Variants in GTF2B observed in about 807,000 individuals in gnomAD.
GTF2B encodes transcription initiation factor IIB.
Under a neutral mutation model 34.6 loss-of-function variants are expected in GTF2B, and 20 were observed. The ratio of observed to expected loss-of-function variants is 0.58; its 90% CI spans 0.41 to 0.84. The LOEUF is 0.84. GTF2B is among the 40% of genes least tolerant of loss of function. GTF2B has a pLI of 0.00. For synonymous variants in GTF2B, 142 were observed against 132.4 expected, an observed-to-expected ratio of 1.07 and a Z score of -0.50; for missense variants, 237 against 393.3, an observed-to-expected ratio of 0.60 and a Z score of 3.36.
At chr1:88,887,453 G>C (rs193226705) in intron 1 of GTF2B, 86 bp from the exon 2 acceptor site, 3 of 807,926 alleles carry the variant, frequency 3.7e-6, no homozygotes, top group African/African-American at 3.4e-5. Context: ...GGAAGACAAA[G>C]ATTGTGAACG....
intron 2 of GTF2B, among the ~76,000 whole-genome samples, chr1:88,885,179 C>G (rs1263824136): frequency 6.6e-6 from 1 of 152,202 alleles, no homozygotes; most frequent in Non-Finnish European, 1.5e-5. Context: ...TGGCTTACAC[C>G]TGTAATCCCA....
chr1:88,891,424 A>C, intron 1 of GTF2B, 59 bp downstream of exon 1: 1 of 1,451,754 alleles, frequency 6.9e-7, no homozygotes, highest in Non-Finnish European at 9.6e-7. Context: ...AGGCCGCCTA[A>C]AAGCCGGCGG....
Position 88,853,587 on chromosome 1 carries a change from C to G in GTF2B, c.818-241G>C, listed in dbSNP as rs571693746. The stretch of plus-strand genomic sequence containing the variant: ...TGGGAGGCCGAGGCGGGTGGATCAC[C>G]AGGTCAGGAGATCGAGACCATCCTG... On this transcript the variant is annotated intron_variant, in intron 6 of 6. Coordinates refer to ENST00000370500, the MANE Select transcript of GTF2B (RefSeq NM_001514.6). Among the ~76,000 whole-genome samples, 35 of 151,794 alleles carry G rather than the reference C, an allele frequency of 2.3e-4. No homozygotes were observed. In the East Asian group the frequency reaches 6.8e-3, roughly 30 times the overall value.
At chr1:88,866,130 A>C (rs2100968225) in intron 2 of GTF2B, among the ~76,000 whole-genome samples, 1 of 152,252 alleles carries the variant, frequency 6.6e-6, no homozygotes, top group African/African-American at 2.4e-5. Flanking sequence ...GGGAGGCTTA[A>C]GCAGGAAAAT....
chr1:88,863,325 T>C (rs1055155442), intron 3 of GTF2B, among the ~76,000 whole-genome samples: 23 of 151,910 alleles, frequency 1.5e-4, no homozygotes, highest in Admixed American at 8.5e-4. Context: ...TTAAGTGGTA[T>C]AGAGAGAAAA....
intron 2 of GTF2B, among the ~76,000 whole-genome samples, chr1:88,865,674 G>A (rs1673531102): frequency 6.6e-6 from 1 of 152,146 alleles, no homozygotes. Flanking sequence ...CCAACATGGA[G>A]AAACCCTGTC....
In GTF2B at chr1:88,853,067, CA is replaced by C; in HGVS notation, c.*145del. ...AATATGTTTCACTAGTATATACATA[CA>C]GAATGCCAAGCAATAGTATTCAGCC... On this transcript the variant is annotated 3_prime_UTR_variant, in exon 7 of 7. Transcript: ENST00000370500. 1.4e-6 allele frequency: 1 copy of C among 733,402 alleles called. No individual in the cohort carries two copies. The allele number at this position is 733,402 out of a possible 1,614,324, so 45.4% of individuals were successfully genotyped here. A position where few individuals can be genotyped will look rare whatever the true frequency, so the allele number is the denominator to read the frequency against.
rs541321975 is a variant in GTF2B, at chr1:88,875,837, A to C, written c.124+11424T>G. ...CTATCACTCTCAGTGACCAACCAGC[A>C]CAGTGCTTAACTGAGACATATGGTA... On this transcript the variant is annotated intron_variant, in intron 2 of 6. Transcript: ENST00000370500. Among the ~76,000 whole-genome samples, 11 of 152,282 alleles carry C rather than the reference A, an allele frequency of 7.2e-5. No individual in the cohort carries two copies. In the South Asian group the frequency reaches 2.3e-3, roughly 32 times the overall value.
At chr1:88,872,087 G>A (rs993799882) in intron 2 of GTF2B, among the ~76,000 whole-genome samples, 3 of 152,116 alleles carry the variant, frequency 2.0e-5, no homozygotes, top group African/African-American at 4.8e-5. Context: ...TGAAGAATTA[G>A]GGATAATTTC....
chr1:88,872,140 T>C (rs940004338), intron 2 of GTF2B, among the ~76,000 whole-genome samples: 4 of 152,256 alleles, frequency 2.6e-5, no homozygotes, highest in South Asian at 4.1e-4. Flanking sequence ...TCTGTCAATA[T>C]GATTTTAGGT....
chr1:88,862,439 G>A (rs959230889), intron 3 of GTF2B, among the ~76,000 whole-genome samples: 2 of 152,202 alleles, frequency 1.3e-5, no homozygotes, highest in African/African-American at 4.8e-5. Flanking sequence ...TTACTTGGGA[G>A]GCTGAAGTGG....
At chr1:88,864,251 T>C in intron 2 of GTF2B, 137 bp from the exon 3 acceptor site, 1 of 687,728 alleles carries the variant, frequency 1.5e-6, no homozygotes. Context: ...AAATATCACA[T>C]TTCAGACATT....
At chr1:88,881,111 A>C (rs1464230009) in intron 2 of GTF2B, among the ~76,000 whole-genome samples, 1 of 151,570 alleles carries the variant, frequency 6.6e-6, no homozygotes, top group Non-Finnish European at 1.5e-5. Flanking sequence ...CACATACTAG[A>C]ATATGAGTTT....
chr1:88,871,881 A>G (rs921513891), intron 2 of GTF2B, among the ~76,000 whole-genome samples: 4 of 151,880 alleles, frequency 2.6e-5, no homozygotes, highest in Admixed American at 6.6e-5. Context: ...ACAGGCATCC[A>G]CCACCACGCC....
chr1:88,889,475 G>C (rs1674150602), intron 1 of GTF2B, among the ~76,000 whole-genome samples: 1 of 152,154 alleles, frequency 6.6e-6, no homozygotes, highest in Non-Finnish European at 1.5e-5. Flanking sequence ...ATCATTTATT[G>C]GGCATGGACT....
chr1:88,853,092 C>A lies in GTF2B; in HGVS notation c.*121G>T. On this transcript the variant is annotated 3_prime_UTR_variant, in exon 7 of 7. Transcript: ENST00000370500. ...CAGAATGCCAAGCAATAGTATTCAG[C>A]CCTGGAATGCGTACCATGTCTTTTG... 4.8e-6 allele frequency: 4 copies of A among 836,724 alleles called. No individual in the cohort carries two copies. In the South Asian group the frequency reaches 5.4e-5, roughly 11 times the overall value. The allele number at this position is 836,724 out of a possible 1,614,324, so 51.8% of individuals were successfully genotyped here. A position where few individuals can be genotyped will look rare whatever the true frequency, so the allele number is the denominator to read the frequency against.
At chr1:88,869,875 G>A (rs1292236092) in intron 2 of GTF2B, among the ~76,000 whole-genome samples, 2 of 151,882 alleles carry the variant, frequency 1.3e-5, no homozygotes, top group African/African-American at 2.4e-5. Flanking sequence ...CGTCCGCCTC[G>A]GCCTCCCCAA....
chr1:88,875,604 T>G (rs940484158), intron 2 of GTF2B, among the ~76,000 whole-genome samples: 3 of 152,202 alleles, frequency 2.0e-5, no homozygotes, highest in Non-Finnish European at 4.4e-5. Flanking sequence ...TTCTCTTTAC[T>G]TGGAATCATT....
chr1:88,866,596 TG>T (rs986212454), intron 2 of GTF2B, among the ~76,000 whole-genome samples: 2 of 152,130 alleles, frequency 1.3e-5, no homozygotes, highest in Non-Finnish European at 2.9e-5. Flanking sequence ...CTTGTAGAGA[TG>T]GGGTTTTGCC....
Sources: gnomAD v4.1 joint callset for allele counts (sites outside exome capture counted in the v4.1 genomes callset) on GRCh38, gnomAD v4.1.1 for gene constraint, MANE v1.5 for transcripts, NCBI Gene and HGNC (gene_info 2026-07-23, HGNC 2026-07-21) for gene names.